Variants in GRIN2B observed in about 807,000 individuals in gnomAD.
GRIN2B encodes glutamate receptor ionotropic, NMDA 2B.
GRIN2B carries 5 observed loss-of-function variants against 114.5 expected under a neutral mutation model. The observed-to-expected ratio is 0.04, with a 90% CI of 0.02 to 0.09. The LOEUF is 0.09. Ranked by LOEUF, GRIN2B falls within the 10% of genes least tolerant of loss-of-function variation. GRIN2B has a pLI of 1.00. For missense variants in GRIN2B, 1,108 were observed against 1,943.5 expected (o/e 0.57, Z 8.08); for synonymous variants, 787 against 745.1 (o/e 1.06, Z -0.92).
chr12:13,972,867 T>C (rs1354621298), intron 2 of GRIN2B, among the ~76,000 whole-genome samples: 1 of 152,216 alleles, frequency 6.6e-6, no homozygotes, highest in African/African-American at 2.4e-5. Context: ...GGGCCTACTA[T>C]ATTTGGTAGG....
intron 4 of GRIN2B, among the ~76,000 whole-genome samples, chr12:13,727,571 A>T (rs1271225921): frequency 6.6e-6 from 1 of 152,162 alleles, no homozygotes; most frequent in Non-Finnish European, 1.5e-5. Flanking sequence ...AGCTGAGGGG[A>T]CCTGCAAATT....
Position 13,611,759 on chromosome 12 carries a change from A to G in GRIN2B, c.1746T>C (p.Pro582=), listed in dbSNP as rs751658687. The change falls in exon 9 of 14, where the codon CCT becomes CCC. Residue 582 remains proline, a synonymous_variant. Transcript: ENST00000609686. ...CAGCGAGGCACCTGTTATAACCCAC[A>G]GGGCTGAAGTACTCAAAGACAAAGA... ...VAVFVFEYFS[P]VGYNRCLADG... is the part of the protein sequence containing the mutation. 6.2e-7 allele frequency: 1 copy of G among 1,613,694 alleles called. No homozygotes were observed. Among genetic ancestry groups the G allele is most frequent in the Non-Finnish European group, 8.5e-7 (1 of 1,179,684 alleles).
At chr12:13,630,988 G>A (rs912037642) in intron 5 of GRIN2B, among the ~76,000 whole-genome samples, 14 of 152,118 alleles carry the variant, frequency 9.2e-5, no homozygotes, top group African/African-American at 3.4e-4. Flanking sequence ...AGGAGAGAGA[G>A]ATCAGGAGCG....
rs1948274799 is a variant in GRIN2B, at chr12:13,541,237, G to C, written c.*21546C>G. On this transcript the variant is annotated 3_prime_UTR_variant, in exon 14 of 14. Coordinates refer to ENST00000609686, the MANE Select transcript of GRIN2B (RefSeq NM_000834.5). ...TTTCCACAAGCGTCAGGGCTACTCT[G>C]AAGTATTAATGCTGGGATAGTCACT... 1 of 152,210 alleles carries C rather than the reference G, an allele frequency of 6.6e-6. No individual in the cohort carries two copies. The allele number at this position is 152,210 out of a possible 1,614,324, so 9.4% of individuals were successfully genotyped here.
chr12:13,931,179 A>T (rs1403158864), intron 2 of GRIN2B, among the ~76,000 whole-genome samples: 1 of 152,158 alleles, frequency 6.6e-6, no homozygotes. Context: ...ACCCAGTGGC[A>T]TTTATTTCCT....
intron 4 of GRIN2B, among the ~76,000 whole-genome samples, chr12:13,731,616 C>G (rs773971027): frequency 1.3e-5 from 2 of 151,982 alleles, no homozygotes; most frequent in Non-Finnish European, 2.9e-5. Context: ...AACAAACAAA[C>G]AAGCAAAAAA....
rs1293143350 is a variant in GRIN2B, at chr12:13,729,561, C to A, written c.1010+23756G>T. On this transcript the variant is annotated intron_variant, in intron 4 of 13. Coordinates refer to ENST00000609686, the MANE Select transcript of GRIN2B (RefSeq NM_000834.5). The stretch of plus-strand genomic sequence containing the variant: ...GGGAAGATGGAGGCAGAGAATGGAG[C>A]CAAATGAATCACCAGAGGAAAGAGA... Among the ~76,000 whole-genome samples, 3 of 151,850 alleles carry A rather than the reference C, an allele frequency of 2.0e-5. No homozygotes were observed. The South Asian group carries it at 6.2e-4, about 32-fold the overall frequency.
At chr12:13,740,840 G>T (rs1266195714) in intron 4 of GRIN2B, among the ~76,000 whole-genome samples, 1 of 152,102 alleles carries the variant, frequency 6.6e-6, no homozygotes, top group Non-Finnish European at 1.5e-5. Context: ...TTAGGAAAAG[G>T]GAGGTATCAG....
intron 5 of GRIN2B, among the ~76,000 whole-genome samples, chr12:13,637,214 A>G (rs1053570251): frequency 1.4e-4 from 22 of 152,170 alleles, no homozygotes; most frequent in African/African-American, 4.6e-4. Context: ...GAGAAATTAT[A>G]TGAGTTTTGA....
At chr12:13,569,595 C>T (rs1370969720) in intron 12 of GRIN2B, among the ~76,000 whole-genome samples, 6 of 152,176 alleles carry the variant, frequency 3.9e-5, no homozygotes, top group South Asian at 2.1e-4. Context: ...TGATTTCAGA[C>T]GTCTAGTCTC....
intron 5 of GRIN2B, among the ~76,000 whole-genome samples, chr12:13,627,900 A>C (rs976946691): frequency 1.3e-5 from 2 of 151,938 alleles, no homozygotes; most frequent in East Asian, 1.9e-4. Flanking sequence ...TTCCCCATGC[A>C]CTCCTTCTAC....
At chr12:13,882,568 A>C (rs1387074104) in intron 2 of GRIN2B, among the ~76,000 whole-genome samples, 10 of 152,142 alleles carry the variant, frequency 6.6e-5, no homozygotes, top group Admixed American at 6.5e-4. Flanking sequence ...CATCTCTAAA[A>C]TATAAGCAAC....
intron 2 of GRIN2B, among the ~76,000 whole-genome samples, chr12:13,868,620 C>A (rs1865861769): frequency 1.3e-5 from 2 of 152,312 alleles, no homozygotes; most frequent in East Asian, 3.9e-4. Context: ...TTAAAAGTGG[C>A]CCACTCTGCC....
chr12:13,639,747 C>G (rs765640819), intron 5 of GRIN2B, among the ~76,000 whole-genome samples: 3 of 152,162 alleles, frequency 2.0e-5, no homozygotes, highest in Admixed American at 6.5e-5. Context: ...TTCACTGGAG[C>G]CTTTATTTCC....
chr12:13,572,611 C>T (rs1758845673), intron 10 of GRIN2B, among the ~76,000 whole-genome samples: 1 of 152,052 alleles, frequency 6.6e-6, no homozygotes, highest in Admixed American at 6.5e-5. Flanking sequence ...ATCTCCAGTG[C>T]CCATTATAAT....
intron 3 of GRIN2B, among the ~76,000 whole-genome samples, chr12:13,789,850 T>G (rs1744654628): frequency 6.6e-6 from 1 of 152,166 alleles, no homozygotes; most frequent in Non-Finnish European, 1.5e-5. Flanking sequence ...GGAGACACTG[T>G]GAGTGGCAGA....
chr12:13,570,163 T>A, intron 11 of GRIN2B, 146 bp from the exon 12 acceptor site: 1 of 661,104 alleles, frequency 1.5e-6, no homozygotes, highest in Non-Finnish European at 2.7e-6. Flanking sequence ...TCTGCCAGAA[T>A]CTAAAGCCTA....
intron 5 of GRIN2B, among the ~76,000 whole-genome samples, chr12:13,673,703 C>T (rs2268105): frequency 0.076 from 11,540 of 151,954 alleles, 700 homozygotes; most frequent in East Asian, 0.26. Context: ...GGGATGCAGG[C>T]CTCAGATTCT....
chr12:13,793,615 C>A (rs1036014411), intron 3 of GRIN2B, among the ~76,000 whole-genome samples: 1 of 152,146 alleles, frequency 6.6e-6, no homozygotes, highest in Non-Finnish European at 1.5e-5. Context: ...ATTCCTAATT[C>A]GAATCCACTC....
Sources: allele counts gnomAD v4.1 joint callset (sites outside exome capture counted in the v4.1 genomes callset), GRCh38; gene constraint gnomAD v4.1.1; transcripts MANE v1.5; gene names NCBI Gene and HGNC (gene_info 2026-07-23, HGNC 2026-07-21).